Variants in MED16 observed in about 807,000 individuals in gnomAD.
The protein encoded by MED16 is mediator complex subunit 16, also known as mediator of RNA polymerase II transcription subunit 16.
In MED16, 81 loss-of-function variants were observed where a neutral mutation model predicts 84.4. The observed-to-expected ratio is 0.96, with a 90% CI of 0.80 to 1.15. The LOEUF (loss-of-function observed/expected upper bound fraction) is 1.15, where lower values mean the gene tolerates loss of function less well. MED16 is among the 50% of genes most tolerant of loss of function. The probability of loss-of-function intolerance (pLI) is 0.00; values close to 1 mark genes in which losing one functional copy is unlikely to be tolerated. For synonymous variants in MED16, 897 were observed against 552.2 expected, an observed-to-expected ratio of 1.62 and a Z score of -8.76; for missense variants, 1,585 against 1,245.9, an observed-to-expected ratio of 1.27 and a Z score of -4.10.
At chr19:890,294 C>A in intron 2 of MED16, 50 bp from the exon 3 acceptor site, 1 of 1,263,400 alleles carries the variant, frequency 7.9e-7, no homozygotes, top group Admixed American at 2.5e-5. Context: ...AGCCTGCAGA[C>A]GATGACGATG....
rs149949825 is a variant in MED16 at position 879,945 on chromosome 19, G to A, written c.1345C>T (p.His449Tyr). Reference protein sequence around the residue: ...TSLALVGIDSHGKLSVLRLSP... With the variant: ...TSLALVGIDSYGKLSVLRLSP... ...GTGCCCCAGCAGCTCACCTTCCCGTGGCTGTCAATCCCCACCAGGGCCAGT... is the reference window on the plus strand; with the variant it reads ...GTGCCCCAGCAGCTCACCTTCCCGTAGCTGTCAATCCCCACCAGGGCCAGT... The change falls in exon 8 of 16, where the codon CAC becomes TAC. Residue 449 changes from histidine to tyrosine, a missense_variant. His to Tyr is a moderately conservative substitution (Grantham distance 83). Transcript: ENST00000325464. The A allele has an allele frequency of 9.9e-5, 158 of 1,602,872 alleles. No individual in the cohort carries two copies. In the African/African-American group the frequency reaches 1.9e-3, roughly 19 times the overall value.
In MED16 at chr19:885,830, G is replaced by A. The variant is rs2036514002; in HGVS notation, c.819C>T (p.Arg273=). Residue 273 remains arginine (R), a synonymous_variant, in exon 5 of 16, where the codon CGC becomes CGT. Transcript: ENST00000325464. ...LFMRCTTDLN[R]KDKFPAITHL... Reference sequence around the variant, plus strand: ...GGGTGATGGCGGGAAACTTGTCCTTGCGGTTGAGGTCGGTGGTGCAGCGCA... The same window carrying A: ...GGGTGATGGCGGGAAACTTGTCCTTACGGTTGAGGTCGGTGGTGCAGCGCA... 13 of 1,613,566 alleles carry A rather than the reference G, an allele frequency of 8.1e-6. No homozygotes were observed. Among genetic ancestry groups the A allele is most frequent in the Non-Finnish European group, 1.1e-5 (13 of 1,179,978 alleles).
At chr19:884,728 G>A (rs1477200707) in intron 6 of MED16, among the ~76,000 whole-genome samples, 175 bp downstream of exon 6, 1 of 152,172 alleles carries the variant, frequency 6.6e-6, no homozygotes, top group Non-Finnish European at 1.5e-5. Flanking sequence ...TCAGAATGCT[G>A]GCAGGCGCGC....
intron 11 of MED16, chr19:873,188 G>A (rs2036134805): frequency 1.9e-6 from 1 of 528,088 alleles, no homozygotes; most frequent in Admixed American, 3.6e-5. Context: ...AGTGGGGCAG[G>A]GCTAGGAAGT....
chr19:871,993 C>A lies in MED16; in HGVS notation c.2031G>T (p.Thr677=), dbSNP rs766839452. The A allele has an allele frequency of 2.5e-6, 4 of 1,606,660 alleles. No individual in the cohort carries two copies. Among genetic ancestry groups the A allele is most frequent in the Admixed American group, 1.7e-5 (1 of 59,312 alleles). Residue 677 remains threonine, a synonymous_variant, in exon 12 of 16, where the codon ACG becomes ACT. Transcript: ENST00000325464. ...TGCTGTCCTGGGTATCCGAGGTGGC[C>A]GTATACACGGGCAGGCAGCTGGGCT... is the stretch of plus-strand genomic sequence containing the variant. ...LLKPSCLPVY[T]ATSDTQDSMS...
At chr19:890,806 G>A (rs900596686) in intron 2 of MED16, among the ~76,000 whole-genome samples, 157 bp downstream of exon 2, 1 of 152,234 alleles carries the variant, frequency 6.6e-6, no homozygotes, top group Non-Finnish European at 1.5e-5. Context: ...TGTACCCCCA[G>A]GAGGCTGAGG....
intron 13 of MED16, 144 bp downstream of exon 13, chr19:870,893 G>C: frequency 2.5e-6 from 2 of 786,738 alleles, no homozygotes; most frequent in Non-Finnish European, 2.0e-6. Context: ...GTCCCGGGCA[G>C]GACATGGAGG....
chr19:871,673 A>C, intron 12 of MED16: 1 of 1,553,646 alleles, frequency 6.4e-7, no homozygotes, highest in Non-Finnish European at 8.7e-7. Context: ...CTGGGGAAAT[A>C]GCAGATATCA....
intron 4 of MED16, among the ~76,000 whole-genome samples, chr19:886,673 T>C (rs572359685): frequency 6.6e-6 from 1 of 152,368 alleles, no homozygotes; most frequent in African/African-American, 2.4e-5. Flanking sequence ...GGAAGTGCTG[T>C]GTAAGCACCA....
chr19:885,684 C>A, intron 5 of MED16, 86 bp downstream of exon 5: 4 of 1,480,568 alleles, frequency 2.7e-6, no homozygotes, highest in Non-Finnish European at 3.6e-6. Context: ...CCGTGGAGGC[C>A]CGCGCGGGTC....
intron 8 of MED16, among the ~76,000 whole-genome samples, chr19:878,933 C>A (rs1352645490): frequency 9.0e-6 from 1 of 110,592 alleles, no homozygotes. Flanking sequence ...GCCCCGGCCC[C>A]GGCCCCGGCC....
intron 12 of MED16, chr19:871,689 G>C (rs375235758): frequency 2.0e-6 from 3 of 1,475,104 alleles, no homozygotes; most frequent in Non-Finnish European, 1.8e-6. Context: ...TATCAAGGCA[G>C]AGCCACTGCC....
chr19:881,800 G>A (rs2036427743), intron 6 of MED16, 86 bp from the exon 7 acceptor site: 2 of 1,493,484 alleles, frequency 1.3e-6, no homozygotes, highest in Admixed American at 3.6e-5. Context: ...GGCCTGGTGT[G>A]CAACCTGCCC....
intron 6 of MED16, among the ~76,000 whole-genome samples, chr19:883,987 T>C (rs1568330375): frequency 6.6e-6 from 1 of 152,232 alleles, no homozygotes; most frequent in East Asian, 1.9e-4. Flanking sequence ...TCACCTTTAC[T>C]GCCTCTGCGG....
chr19:879,179 T>A (rs1277431491), intron 8 of MED16, among the ~76,000 whole-genome samples: 1 of 128,794 alleles, frequency 7.8e-6, no homozygotes, highest in African/African-American at 3.1e-5. Flanking sequence ...CTTCCCCTGG[T>A]TGTCAATGCC....
chr19:870,544 G>C (rs1440174985), intron 13 of MED16, among the ~76,000 whole-genome samples: 1 of 147,272 alleles, frequency 6.8e-6, no homozygotes, highest in Non-Finnish European at 1.5e-5. Flanking sequence ...CTGGGCAACA[G>C]AGTGAGACCC....
intron 10 of MED16, among the ~76,000 whole-genome samples, chr19:873,929 C>T (rs985855329): frequency 1.3e-5 from 2 of 152,162 alleles, no homozygotes; most frequent in Non-Finnish European, 2.9e-5. Flanking sequence ...AACACAGGGG[C>T]ATGTCCACAG....
chr19:880,108 C>G lies in MED16; in HGVS notation c.1182G>C (p.Val394=), dbSNP rs758326837. 86 of 1,610,430 alleles carry G rather than the reference C, an allele frequency of 5.3e-5. No homozygotes were observed. The highest frequency in any genetic ancestry group is 7.0e-5 in the Non-Finnish European group (83 of 1,179,392). The part of the protein sequence containing the change: ...LAFHDGSVHI[V]HRLSLQTMAV... ...CCATGGTCTGCAGTGAGAGCCGGTG[C>G]ACGATGTGGACGCTGCCGTCGTGGA... Residue 394 remains valine (V), a synonymous_variant, in exon 8 of 16, where the codon GTG becomes GTC. Coordinates refer to ENST00000325464, the MANE Select transcript of MED16 (RefSeq NM_005481.3).
At chr19:868,328 G>A (rs1337621697) in intron 15 of MED16, 77 bp from the exon 16 acceptor site, 15 of 1,586,888 alleles carry the variant, frequency 9.5e-6, no homozygotes, top group Non-Finnish European at 1.2e-5. Flanking sequence ...CCGGGCTCAG[G>A]GGCAGCTGAG....
Sources: allele counts gnomAD v4.1 joint callset (sites outside exome capture counted in the v4.1 genomes callset), GRCh38; gene constraint gnomAD v4.1.1; transcripts MANE v1.5; gene names NCBI Gene and HGNC (gene_info 2026-07-23, HGNC 2026-07-21).